The following NRG2 variants were observed in gnomAD, a reference collection of about 807,000 sequenced individuals.
NRG2 encodes neuregulin 2.
A neutral mutation model predicts 73.9 loss-of-function variants in NRG2; 27 were observed. The observed-to-expected ratio is 0.37, with a 90% CI of 0.27 to 0.50. NRG2 has a LOEUF of 0.50. NRG2 is among the 20% of genes least tolerant of loss of function. NRG2 has a pLI of 0.96. For missense variants in NRG2, 1,126 were observed against 1,210.1 expected (o/e 0.93, Z 1.03); for synonymous variants, 532 against 541.0 (o/e 0.98, Z 0.23).
At chr5:140,018,899 G>T (rs148964983) in intron 1 of NRG2, among the ~76,000 whole-genome samples, 1 of 152,284 alleles carries the variant, frequency 6.6e-6, no homozygotes, top group East Asian at 1.9e-4. Context: ...ATCCTCAAGG[G>T]AAAATCAGCA....
At chr5:139,935,693 T>C (rs1580767048) in intron 1 of NRG2, among the ~76,000 whole-genome samples, 3 of 151,762 alleles carry the variant, frequency 2.0e-5, no homozygotes, top group African/African-American at 7.2e-5. Context: ...GGTGTGGTGG[T>C]TCATGTCTGT....
chr5:139,906,391 AG>A (rs1765230529), intron 1 of NRG2, among the ~76,000 whole-genome samples: 1 of 152,100 alleles, frequency 6.6e-6, no homozygotes, highest in African/African-American at 2.4e-5. Context: ...GGGTGTCCAA[AG>A]CCCTATTCTA....
chr5:139,972,638 C>G (rs1010202778), intron 1 of NRG2, among the ~76,000 whole-genome samples: 1 of 152,124 alleles, frequency 6.6e-6, no homozygotes, highest in East Asian at 1.9e-4. Context: ...GCAGGAAAAT[C>G]GCTCGAACCC....
chr5:140,012,154 T>C (rs1354253556), intron 1 of NRG2, among the ~76,000 whole-genome samples: 2 of 152,204 alleles, frequency 1.3e-5, no homozygotes, highest in Non-Finnish European at 2.9e-5. Context: ...TACTTTTCCC[T>C]GTCTTTTTAC....
In NRG2 at chr5:139,853,415, C is replaced by G. The variant is rs1761600048; in HGVS notation, c.1293-388G>C. 6.6e-6 allele frequency among the ~76,000 whole-genome samples: 1 copy of G among 152,222 alleles called. No homozygotes were observed. The highest frequency in any genetic ancestry group is 6.5e-5 in the Admixed American group (1 of 15,280). On this transcript the variant is annotated intron_variant, in intron 6 of 9. Coordinates refer to ENST00000361474, the MANE Select transcript of NRG2 (RefSeq NM_004883.3). This position sits in a 1 kb window ranked among gnomAD's most constrained non-coding sequence, Gnocchi z 4.1. The stretch of plus-strand genomic sequence containing the variant: ...GTGCTGACTCCCTCTCTCTCTCCCT[C>G]ATTCATTAATTTGGTATGTATTGAG...
Position 139,854,000 on chromosome 5 carries a change from A to T in NRG2, c.1293-973T>A, listed in dbSNP as rs1380777722. 6.6e-6 allele frequency among the ~76,000 whole-genome samples: 1 copy of T among 152,232 alleles called. No individual in the cohort carries two copies. Among genetic ancestry groups the T allele is most frequent in the Non-Finnish European group, 1.5e-5 (1 of 68,032 alleles). On this transcript the variant is annotated intron_variant, in intron 6 of 9. Transcript: ENST00000361474. This position sits in a 1 kb window ranked among gnomAD's most constrained non-coding sequence, Gnocchi z 4.1. ...ATAAATGCCTGGGGGGATGAATAGAATACATGATATGATTATTATGCATTG... is the reference window on the plus strand; with the variant it reads ...ATAAATGCCTGGGGGGATGAATAGATTACATGATATGATTATTATGCATTG...
intron 3 of NRG2, among the ~76,000 whole-genome samples, chr5:139,878,546 C>G (rs1233382829): frequency 6.6e-6 from 1 of 152,224 alleles, no homozygotes; most frequent in East Asian, 1.9e-4. Flanking sequence ...TTGAGCCATC[C>G]TATGAGTTCT....
At chr5:139,881,104 C>G in intron 2 of NRG2, 130 bp from the exon 3 acceptor site, 1 of 702,916 alleles carries the variant, frequency 1.4e-6, no homozygotes, top group East Asian at 2.6e-5. Flanking sequence ...GAAGGAGATT[C>G]CCTCCCCCCA....
intron 1 of NRG2, among the ~76,000 whole-genome samples, chr5:139,953,089 C>T (rs1487793538): frequency 6.6e-6 from 1 of 152,170 alleles, no homozygotes; most frequent in Admixed American, 6.5e-5. Context: ...GTCAGTGGGC[C>T]TCTGACACAC....
chr5:139,948,699 T>A (rs1397961969), intron 1 of NRG2, among the ~76,000 whole-genome samples: 1 of 152,162 alleles, frequency 6.6e-6, no homozygotes, highest in Non-Finnish European at 1.5e-5. Context: ...TAAGATAATA[T>A]CCATATATTA....
chr5:140,006,478 A>G (rs1276562933), intron 1 of NRG2, among the ~76,000 whole-genome samples: 2 of 152,246 alleles, frequency 1.3e-5, no homozygotes, highest in East Asian at 3.8e-4. Context: ...AGATGCACAC[A>G]AAGATTAATG....
At chr5:139,961,225 C>T (rs377524138) in intron 1 of NRG2, among the ~76,000 whole-genome samples, 12 of 152,300 alleles carry the variant, frequency 7.9e-5, no homozygotes, top group African/African-American at 2.4e-4. Context: ...GAGCCCCAGC[C>T]GGTGCCCTTG....
chr5:139,959,470 A>G (rs2055334), intron 1 of NRG2, among the ~76,000 whole-genome samples: 33,447 of 152,086 alleles, frequency 0.22, 4,791 homozygotes, highest in African/African-American at 0.41. Context: ...TCTGCCTCCT[A>G]GGTTCAAGCG....
chr5:139,957,303 A>ATCTCTC (rs3056592), intron 1 of NRG2, among the ~76,000 whole-genome samples: 1 of 127,328 alleles, frequency 7.9e-6, no homozygotes, highest in African/African-American at 3.1e-5. Flanking sequence ...CCACTCAAGA[A>ATCTCTC]TCTCTGTGTG....
chr5:140,033,079 A>C (rs1761267139), intron 1 of NRG2, among the ~76,000 whole-genome samples: 2 of 152,140 alleles, frequency 1.3e-5, no homozygotes, highest in South Asian at 4.1e-4. Context: ...AATCACACAA[A>C]CTCAAAAAAT....
chr5:139,952,734 A>G (rs1754308961), intron 1 of NRG2, among the ~76,000 whole-genome samples: 1 of 152,084 alleles, frequency 6.6e-6, no homozygotes, highest in Non-Finnish European at 1.5e-5. Flanking sequence ...TCAGTGCTTC[A>G]ATGCTCCAAA....
intron 1 of NRG2, among the ~76,000 whole-genome samples, chr5:139,955,228 G>C (rs894231182): frequency 6.6e-6 from 1 of 152,112 alleles, no homozygotes; most frequent in Non-Finnish European, 1.5e-5. Context: ...ACAGGGGCAG[G>C]GTCAGTATTG....
chr5:139,923,067 C>T (rs1751794592), intron 1 of NRG2, among the ~76,000 whole-genome samples: 1 of 152,138 alleles, frequency 6.6e-6, no homozygotes, highest in Non-Finnish European at 1.5e-5. Context: ...GAATGTACAA[C>T]ATCAAGAGTG....
chr5:139,855,524 C>T, intron 6 of NRG2, 152 bp downstream of exon 6: 1 of 663,404 alleles, frequency 1.5e-6, no homozygotes, highest in Non-Finnish European at 2.7e-6. Context: ...GCTCGACACC[C>T]ACCCAGCTAC....
Sources: gnomAD v4.1 joint callset for allele counts (sites outside exome capture counted in the v4.1 genomes callset) on GRCh38, gnomAD v4.1.1 for gene constraint, Gnocchi (gnomAD v3.1) non-coding constraint, MANE v1.5 for transcripts, NCBI Gene and HGNC (gene_info 2026-07-23, HGNC 2026-07-21) for gene names.